Variants in CNBD1 observed in about 807,000 individuals in gnomAD.
CNBD1 encodes the protein cyclic nucleotide binding domain containing 1.
CNBD1 carries 71 observed loss-of-function variants against 54.4 expected under a neutral mutation model. The ratio of observed to expected loss-of-function variants is 1.30; its 90% CI spans 1.08 to 1.59. The LOEUF is 1.59. Among genes scored for constraint, CNBD1 ranks in the 40% most tolerant of loss-of-function variants. The pLI is 0.00. For synonymous variants in CNBD1, 182 were observed against 170.7 expected (o/e 1.07, Z -0.51); for missense variants, 659 against 518.0 (o/e 1.27, Z -2.64).
intron 2 of CNBD1, among the ~76,000 whole-genome samples, chr8:87,415,439 AT>A (rs2130988570): frequency 6.6e-6 from 1 of 152,112 alleles, no homozygotes; most frequent in Admixed American, 6.6e-5. Context: ...CTGAAATTTT[AT>A]CTACTGGTGA....
intron 8 of CNBD1, among the ~76,000 whole-genome samples, chr8:87,329,634 T>C (rs1809773724): frequency 6.6e-6 from 1 of 152,118 alleles, no homozygotes; most frequent in African/African-American, 2.4e-5. Context: ...TTTGTAACTG[T>C]TTCATTGATG....
chr8:86,968,856 G>A (rs1032055922), intron 4 of CNBD1, among the ~76,000 whole-genome samples: 2 of 152,178 alleles, frequency 1.3e-5, no homozygotes, highest in African/African-American at 2.4e-5. Context: ...TCAGGTGAGT[G>A]GAGGAATGAC....
intron 4 of CNBD1, among the ~76,000 whole-genome samples, chr8:87,001,721 G>A (rs917060667): frequency 6.6e-6 from 1 of 152,110 alleles, no homozygotes; most frequent in Non-Finnish European, 1.5e-5. Flanking sequence ...GGAATGCTCA[G>A]TTTTTTTCTT....
chr8:86,909,627 A>G (rs1158609272), intron 3 of CNBD1, among the ~76,000 whole-genome samples: 1 of 152,184 alleles, frequency 6.6e-6, no homozygotes. Context: ...GCAACATTGC[A>G]GTGATTTTTA....
chr8:87,235,897 G>T (rs112973420), intron 5 of CNBD1, among the ~76,000 whole-genome samples: 18 of 152,066 alleles, frequency 1.2e-4, no homozygotes, highest in Non-Finnish European at 4.4e-5. Context: ...AGGAGGTCTA[G>T]TTTAAGCTCA....
intron 10 of CNBD1, among the ~76,000 whole-genome samples, chr8:87,363,757 C>A (rs549708091): frequency 6.6e-6 from 1 of 152,048 alleles, no homozygotes; most frequent in African/African-American, 2.4e-5. Flanking sequence ...GATATTAGCC[C>A]TTTGTCAGAT....
intron 8 of CNBD1, among the ~76,000 whole-genome samples, chr8:87,304,927 G>A (rs1252993342): frequency 6.6e-6 from 1 of 152,050 alleles, no homozygotes; most frequent in East Asian, 1.9e-4. Flanking sequence ...TCAAGAGAAA[G>A]AAATAAAGGG....
At chr8:87,384,915 G>T (rs180749645), downstream of CNBD1, among the ~76,000 whole-genome samples, 1 of 152,304 alleles carries the variant, frequency 6.6e-6, no homozygotes, top group Admixed American at 6.5e-5. Context: ...GATGGAATCA[G>T]AGTAATAGCA....
intron 10 of CNBD1, among the ~76,000 whole-genome samples, chr8:87,355,895 T>TGTG (rs1810410230): frequency 6.6e-6 from 1 of 152,166 alleles, no homozygotes; most frequent in Admixed American, 6.5e-5. Flanking sequence ...ATGGATCCTT[T>TGTG]ATGAATGGCT....
Position 86,886,791 on chromosome 8 carries a change from T to C in CNBD1, c.89-751T>C, listed in dbSNP as rs150702329. 8.7e-4 allele frequency among the ~76,000 whole-genome samples: 133 copies of C among 152,236 alleles called. 2 individuals carry two copies. The highest frequency in any genetic ancestry group is 5.8e-3 in the Admixed American group (88 of 15,288). On this transcript the variant is annotated intron_variant, in intron 1 of 10. Transcript: ENST00000518476. ...AAGGAGTAATATGCCTAAGTGAGTA[T>C]TTATTATTTTTTTTTACAACAGTTC...
intron 4 of CNBD1, among the ~76,000 whole-genome samples, chr8:86,943,106 G>T (rs759854293): frequency 2.6e-5 from 4 of 151,500 alleles, no homozygotes; most frequent in Non-Finnish European, 5.9e-5. Flanking sequence ...ATGCAGGCTG[G>T]GCGCAGTGGC....
intron 8 of CNBD1, among the ~76,000 whole-genome samples, chr8:87,297,349 A>G (rs1411428897): frequency 3.9e-5 from 6 of 151,960 alleles, no homozygotes; most frequent in African/African-American, 1.4e-4. Context: ...GCGTATCTCT[A>G]TTTGATCTTG....
chr8:87,247,173 C>T (rs2130835420), intron 6 of CNBD1, among the ~76,000 whole-genome samples: 1 of 152,264 alleles, frequency 6.6e-6, no homozygotes, highest in East Asian at 1.9e-4. Context: ...TTGTCTCAAA[C>T]ATACTTTTAA....
intron 4 of CNBD1, among the ~76,000 whole-genome samples, chr8:87,178,233 A>G (rs1010754228): frequency 1.6e-4 from 24 of 152,212 alleles, no homozygotes; most frequent in African/African-American, 5.8e-4. Flanking sequence ...ATGTATTGGA[A>G]CATGATTAGT....
intron 3 of CNBD1, among the ~76,000 whole-genome samples, chr8:86,924,250 C>T (rs1809322361): frequency 6.6e-6 from 1 of 152,040 alleles, no homozygotes; most frequent in Non-Finnish European, 1.5e-5. Context: ...CTTGAGTGAC[C>T]ATATACCTGA....
chr8:87,325,122 A>T (rs1809639739), intron 8 of CNBD1, among the ~76,000 whole-genome samples: 1 of 95,494 alleles, frequency 1.0e-5, no homozygotes, highest in South Asian at 2.7e-4. Context: ...TTTGAGTGAG[A>T]TTCTTAATCC....
intron 8 of CNBD1, among the ~76,000 whole-genome samples, chr8:87,319,582 G>A (rs941129168): frequency 6.6e-6 from 1 of 151,982 alleles, no homozygotes; most frequent in Non-Finnish European, 1.5e-5. Flanking sequence ...AAAAGTTACA[G>A]GATAAAAGAA....
chr8:86,962,624 A>T (rs1163283213), intron 4 of CNBD1, among the ~76,000 whole-genome samples: 2 of 152,036 alleles, frequency 1.3e-5, no homozygotes, highest in Admixed American at 6.6e-5. Flanking sequence ...TCTCTACTAA[A>T]AATACAAAAA....
At chr8:87,185,249 A>G (rs1215705790) in intron 4 of CNBD1, among the ~76,000 whole-genome samples, 1 of 152,176 alleles carries the variant, frequency 6.6e-6, no homozygotes, top group Non-Finnish European at 1.5e-5. Context: ...CTATAACCTT[A>G]CTGTTTTTCT....
Sources: allele counts gnomAD v4.1 joint callset (sites outside exome capture counted in the v4.1 genomes callset), GRCh38; gene constraint gnomAD v4.1.1; transcripts MANE v1.5; gene names NCBI Gene and HGNC (gene_info 2026-07-23, HGNC 2026-07-21).